Variants in SLC37A1 observed in about 807,000 individuals in gnomAD.
SLC37A1 encodes the protein solute carrier family 37 member 1.
SLC37A1 carries 49 observed loss-of-function variants against 75.3 expected under a neutral mutation model. That is an observed-to-expected ratio of 0.65 (90% CI 0.52 to 0.83). The LOEUF (loss-of-function observed/expected upper bound fraction) is 0.83. Ranked by LOEUF, SLC37A1 falls within the 40% of genes least tolerant of loss-of-function variation. The pLI is 0.00. For synonymous variants in SLC37A1, 268 were observed against 292.1 expected (o/e 0.92, Z 0.84); for missense variants, 566 against 695.0 (o/e 0.81, Z 2.09).
At chr21:42,564,621 C>A (rs995349851) in intron 13 of SLC37A1, 87 bp from the exon 14 acceptor site, 3 of 1,049,738 alleles carry the variant, frequency 2.9e-6, no homozygotes, top group South Asian at 1.3e-5. Flanking sequence ...AGGAGGAGGC[C>A]GTTCTCCGAG....
chr21:42,570,018 T>C (rs2147029877), intron 17 of SLC37A1, among the ~76,000 whole-genome samples: 1 of 150,884 alleles, frequency 6.6e-6, no homozygotes, highest in Non-Finnish European at 1.5e-5. Flanking sequence ...GGGTGGCCGT[T>C]GCCATGTGAC....
intron 3 of SLC37A1, among the ~76,000 whole-genome samples, chr21:42,529,630 A>G (rs534079468): frequency 6.6e-6 from 1 of 152,346 alleles, no homozygotes; most frequent in East Asian, 1.9e-4. Flanking sequence ...GAAGAAAATT[A>G]TGTTTATCGT....
chr21:42,508,567 C>T (rs1344456280), intron 2 of SLC37A1: 1 of 152,174 alleles, frequency 6.6e-6, no homozygotes, highest in African/African-American at 2.4e-5. Context: ...CTCATTCTAC[C>T]TATAGGCATA....
At chr21:42,500,608 G>A (rs902519845) in intron 1 of SLC37A1, among the ~76,000 whole-genome samples, 1 of 152,168 alleles carries the variant, frequency 6.6e-6, no homozygotes, top group Admixed American at 6.5e-5. Context: ...TTTAACTCAA[G>A]TTTATCTTAA....
chr21:42,543,590 T>C lies in SLC37A1; in HGVS notation c.718T>C (p.Phe240Leu), dbSNP rs1256997224. 1 of 1,603,110 alleles carries C rather than the reference T, an allele frequency of 6.2e-7. No individual in the cohort carries two copies. The highest frequency in any genetic ancestry group is 8.5e-7 in the Non-Finnish European group (1 of 1,173,838). ...VAAMGIVCFL[F>L]LIEHPNDVRC... ...AGCCATGGGGATAGTGTGCTTTCTC[T>C]TCCTCATTGAACGTAAGTGCACGTG... Residue 240 changes from phenylalanine to leucine, a missense_variant, in exon 8 of 20, where the codon TTC (phenylalanine) becomes CTC (leucine). By Grantham distance (22) the Phe-to-Leu change is conservative (BLOSUM62 0). Coordinates refer to ENST00000352133, the MANE Select transcript of SLC37A1 (RefSeq NM_001320537.2).
chr21:42,530,958 G>A (rs1333570305), intron 3 of SLC37A1, among the ~76,000 whole-genome samples: 1 of 152,216 alleles, frequency 6.6e-6, no homozygotes, highest in Non-Finnish European at 1.5e-5. Context: ...TGGAATGCAG[G>A]CGAATACAGT....
intron 3 of SLC37A1, among the ~76,000 whole-genome samples, chr21:42,526,375 G>A (rs758774190): frequency 3.3e-5 from 5 of 152,184 alleles, no homozygotes; most frequent in Non-Finnish European, 5.9e-5. Flanking sequence ...AGAAAAGCAG[G>A]AATAATTTTC....
rs144863865 is a variant in SLC37A1, at chr21:42,535,410, G to A, written c.272-62G>A. The A allele has an allele frequency of 1.8e-4, 247 of 1,395,340 alleles. 1 individual carries two copies. The Admixed American group carries it at 2.0e-3, about 11-fold the overall frequency. The allele number at this position is 1,395,340 out of a possible 1,614,324, so 86.4% of individuals were successfully genotyped here. A position where few individuals can be genotyped will look rare whatever the true frequency, so the allele number is the denominator to read the frequency against. The stretch of plus-strand genomic sequence containing the variant: ...AACAGATGCTTTGTGTTTTATAGCC[G>A]TGCTCTAGAACATAAACTAAACAAT... On this transcript the variant is annotated intron_variant, in intron 4 of 19. Transcript: ENST00000352133.
At chr21:42,501,288 T>G (rs2054339040) in intron 1 of SLC37A1, among the ~76,000 whole-genome samples, 2 of 152,254 alleles carry the variant, frequency 1.3e-5, no homozygotes, top group Non-Finnish European at 2.9e-5. Flanking sequence ...CCGAGGGCTC[T>G]CTCAGGATAT....
chr21:42,571,451 TTAAAG>T (rs1189950507), intron 17 of SLC37A1, among the ~76,000 whole-genome samples: 5 of 152,254 alleles, frequency 3.3e-5, no homozygotes, highest in African/African-American at 1.2e-4. Flanking sequence ...TTTTTATTTA[TTAAAG>T]TAAAACATAA....
In SLC37A1 at chr21:42,532,582, G is replaced by A. The variant is rs150034289; in HGVS notation, c.139-2116G>A. Among the ~76,000 whole-genome samples the A allele has an allele frequency of 3.3e-3, 495 of 152,290 alleles. 5 individuals carry two copies. The highest frequency in any genetic ancestry group is 0.011 in the African/African-American group (458 of 41,554). Reference sequence around the variant, plus strand: ...GCTTCTGAAGGTGCCAAGGAGAAGTGTTCAACAAGGCGGCGGGTGAACAGA... The same window carrying A: ...GCTTCTGAAGGTGCCAAGGAGAAGTATTCAACAAGGCGGCGGGTGAACAGA... On this transcript the variant is annotated intron_variant, in intron 3 of 19. Transcript: ENST00000352133.
At chr21:42,556,616 C>T (rs542772914) in intron 10 of SLC37A1, among the ~76,000 whole-genome samples, 2 of 152,324 alleles carry the variant, frequency 1.3e-5, no homozygotes, top group South Asian at 4.1e-4. Flanking sequence ...GCACTGGCCA[C>T]AGAAGCCCCC....
chr21:42,558,140 T>G (rs929980402), intron 10 of SLC37A1, among the ~76,000 whole-genome samples: 4 of 152,132 alleles, frequency 2.6e-5, no homozygotes, highest in African/African-American at 9.7e-5. Flanking sequence ...TGGCCCAGGC[T>G]AAGATTATTT....
At chr21:42,504,070 A>G (rs2054364044) in intron 2 of SLC37A1, among the ~76,000 whole-genome samples, 1 of 152,244 alleles carries the variant, frequency 6.6e-6, no homozygotes, top group African/African-American at 2.4e-5. Flanking sequence ...CGTATTTATT[A>G]AACAAGATAA....
intron 11 of SLC37A1, 195 bp from the exon 12 acceptor site, chr21:42,561,883 G>A (rs751762891): frequency 4.4e-4 from 245 of 556,928 alleles, no homozygotes; most frequent in Non-Finnish European, 7.0e-4. Flanking sequence ...CGGGGTGAGC[G>A]CTCCACTGTT....
chr21:42,522,610 G>C (rs2054681372), intron 2 of SLC37A1, among the ~76,000 whole-genome samples: 1 of 152,090 alleles, frequency 6.6e-6, no homozygotes, highest in African/African-American at 2.4e-5. Flanking sequence ...AAATGAGAGA[G>C]GAAAGACGAA....
At chr21:42,536,635 C>T (rs2146850122) in intron 5 of SLC37A1, among the ~76,000 whole-genome samples, 1 of 152,332 alleles carries the variant, frequency 6.6e-6, no homozygotes, top group East Asian at 1.9e-4. Flanking sequence ...AGCCTCGTGC[C>T]ACATTGTAAT....
At chr21:42,543,403 C>A in intron 7 of SLC37A1, 33 bp from the exon 8 acceptor site, 1 of 1,614,036 alleles carries the variant, frequency 6.2e-7, no homozygotes, top group Non-Finnish European at 8.5e-7. Flanking sequence ...CTTCTCAGCT[C>A]CATCTTCTGT....
intron 2 of SLC37A1, chr21:42,508,601 A>G (rs1182401273): frequency 1.3e-5 from 2 of 152,230 alleles, no homozygotes; most frequent in Non-Finnish European, 2.9e-5. Context: ...TTTACAACAG[A>G]TGGGCTCAGG....
Sources: gnomAD v4.1 joint callset for allele counts (sites outside exome capture counted in the v4.1 genomes callset) on GRCh38, gnomAD v4.1.1 for gene constraint, MANE v1.5 for transcripts, NCBI Gene and HGNC (gene_info 2026-07-23, HGNC 2026-07-21) for gene names.